The following FASTKD1 variants were observed in gnomAD, a reference collection of about 807,000 sequenced individuals.
FASTKD1 encodes FAST kinase domains 1, also known as FAST kinase domain-containing protein 1, mitochondrial.
A neutral mutation model predicts 90.9 loss-of-function variants in FASTKD1; 94 were observed. The observed-to-expected ratio is 1.03, with a 90% CI of 0.88 to 1.23. The LOEUF is 1.23. FASTKD1 is among the 50% of genes most tolerant of loss of function. FASTKD1 has a pLI of 0.00. For synonymous variants in FASTKD1, 319 were observed against 345.8 expected, an observed-to-expected ratio of 0.92 and a Z score of 0.86; for missense variants, 945 against 993.5, an observed-to-expected ratio of 0.95 and a Z score of 0.66.
chr2:169,552,029 T>C (rs1261064292), intron 7 of FASTKD1, among the ~76,000 whole-genome samples: 1 of 152,236 alleles, frequency 6.6e-6, no homozygotes, highest in Non-Finnish European at 1.5e-5. Context: ...AGGACCTATT[T>C]ACATAAGAAT....
At chr2:169,561,205 G>A (rs1434678687) in intron 4 of FASTKD1, among the ~76,000 whole-genome samples, 1 of 151,344 alleles carries the variant, frequency 6.6e-6, no homozygotes, top group African/African-American at 2.4e-5. Flanking sequence ...GGCTGAGGCA[G>A]GAAAATCGCT....
intron 2 of FASTKD1, among the ~76,000 whole-genome samples, 173 bp from the exon 3 acceptor site, chr2:169,569,425 T>G (rs191620760): frequency 6.6e-6 from 1 of 152,240 alleles, no homozygotes; most frequent in Non-Finnish European, 1.5e-5. Flanking sequence ...TACAGCCTAA[T>G]AAACATCTAT....
chr2:169,530,032 A>G (rs1574359130), intron 14 of FASTKD1, 106 bp from the exon 15 acceptor site: 5 of 765,756 alleles, frequency 6.5e-6, no homozygotes, highest in Non-Finnish European at 1.0e-5. Context: ...ATCCTATGAA[A>G]TTAGTTTACA....
At chr2:169,559,610 G>A (rs949488341) in intron 5 of FASTKD1, among the ~76,000 whole-genome samples, 5 of 151,944 alleles carry the variant, frequency 3.3e-5, no homozygotes, top group Admixed American at 1.3e-4. Context: ...TACAGACAAG[G>A]TTTCATCATC....
chr2:169,539,655 C>T (rs1358447088), intron 10 of FASTKD1, among the ~76,000 whole-genome samples: 1 of 151,666 alleles, frequency 6.6e-6, no homozygotes, highest in Non-Finnish European at 1.5e-5. Flanking sequence ...GTCCCAGCTA[C>T]TTGGAAGGCT....
intron 12 of FASTKD1, among the ~76,000 whole-genome samples, chr2:169,532,663 T>G (rs1684543831): frequency 6.7e-6 from 1 of 149,882 alleles, no homozygotes; most frequent in Non-Finnish European, 1.5e-5. Flanking sequence ...AAGTTCGAAA[T>G]GTGGAAAAAA....
chr2:169,547,559 T>C (rs1421692015), intron 7 of FASTKD1, among the ~76,000 whole-genome samples: 1 of 151,946 alleles, frequency 6.6e-6, no homozygotes, highest in Non-Finnish European at 1.5e-5. Flanking sequence ...CAAAAGCCAA[T>C]ATATATAACA....
chr2:169,568,786 G>A (rs1211120547), intron 3 of FASTKD1, among the ~76,000 whole-genome samples: 1 of 151,806 alleles, frequency 6.6e-6, no homozygotes, highest in Non-Finnish European at 1.5e-5. Flanking sequence ...GGATCACGAG[G>A]TCAGGAGTTC....
intron 12 of FASTKD1, among the ~76,000 whole-genome samples, chr2:169,534,149 A>G (rs927254621): frequency 3.1e-5 from 4 of 127,944 alleles, no homozygotes; most frequent in Non-Finnish European, 6.3e-5. Flanking sequence ...CCTGCACTGC[A>G]CTCCAACCTG....
Position 169,571,905 on chromosome 2 carries a change from T to C in FASTKD1, c.125A>G (p.Gln42Arg), listed in dbSNP as rs1244416227. The change falls in exon 2 of 15, where the codon CAG becomes CGG. Residue 42 changes from glutamine to arginine, a missense_variant. Coordinates refer to ENST00000453153, the MANE Select transcript of FASTKD1 (RefSeq NM_024622.6). ...RPISCEPLII[Q>R]MNKCTDEEQM... Reference sequence around the variant, plus strand: ...CTCCTCATCTGTACACTTATTCATCTGAATAATTAGTGGTTCACAACTGAT... The same window carrying C: ...CTCCTCATCTGTACACTTATTCATCCGAATAATTAGTGGTTCACAACTGAT... 2 of 1,614,106 alleles carry C rather than the reference T, an allele frequency of 1.2e-6. No homozygotes were observed. Among genetic ancestry groups the C allele is most frequent in the Admixed American group, 1.7e-5 (1 of 60,030 alleles).
chr2:169,543,688 TAATC>T (rs1166599501), intron 9 of FASTKD1, among the ~76,000 whole-genome samples: 1 of 152,202 alleles, frequency 6.6e-6, no homozygotes, highest in Non-Finnish European at 1.5e-5. Context: ...TGGCAAATGT[TAATC>T]AATACTCAAT....
chr2:169,554,527 G>A (rs1246255738), intron 7 of FASTKD1, among the ~76,000 whole-genome samples: 3 of 113,198 alleles, frequency 2.7e-5, no homozygotes, highest in African/African-American at 8.9e-5. Flanking sequence ...AACAGGGTGT[G>A]GTGGTATGTG....
chr2:169,558,684 C>G (rs1683440419), intron 5 of FASTKD1, among the ~76,000 whole-genome samples: 1 of 152,134 alleles, frequency 6.6e-6, no homozygotes, highest in Admixed American at 6.5e-5. Context: ...CTCCTGACCT[C>G]AAGTGATCCA....
Position 169,571,980 on chromosome 2 carries a change from C to A in FASTKD1, c.50G>T (p.Arg17Leu), listed in dbSNP as rs769575069. Residue 17 changes from arginine (R) to leucine (L), a missense_variant, in exon 2 of 15, where the codon CGT becomes CTT. Transcript: ENST00000453153. Reference sequence around the variant, plus strand: ...GGAGAATGGACAAATAGCTCTTAGACGAAGCATATTTGTAACCAATGACTC... The same window carrying A: ...GGAGAATGGACAAATAGCTCTTAGAAGAAGCATATTTGTAACCAATGACTC... ...FLESLVTNML[R>L]LRAICPFSWR... The A allele has an allele frequency of 6.2e-7, 1 of 1,610,824 alleles. No homozygotes were observed. Among genetic ancestry groups the A allele is most frequent in the African/African-American group, 1.3e-5 (1 of 74,838 alleles).
intron 7 of FASTKD1, among the ~76,000 whole-genome samples, chr2:169,549,956 G>A (rs753098090): frequency 2.0e-5 from 3 of 152,090 alleles, no homozygotes; most frequent in African/African-American, 4.8e-5. Flanking sequence ...CATTTGACAT[G>A]GTCAATCCCT....
At chr2:169,557,124 T>A in intron 6 of FASTKD1, 63 bp downstream of exon 6, 1 of 1,058,696 alleles carries the variant, frequency 9.4e-7, no homozygotes, top group Non-Finnish European at 1.5e-6. Flanking sequence ...CATTTTTCCT[T>A]AGAAAAAAAT....
intron 3 of FASTKD1, among the ~76,000 whole-genome samples, chr2:169,564,385 G>A (rs868569040): frequency 9.9e-5 from 15 of 151,702 alleles, no homozygotes; most frequent in African/African-American, 3.4e-4. Flanking sequence ...TGAACATCTA[G>A]GCTCAAGTGA....
intron 4 of FASTKD1, among the ~76,000 whole-genome samples, chr2:169,562,073 A>T (rs12988504): frequency 0.58 from 17,601 of 30,598 alleles, 6,984 homozygotes; most frequent in East Asian, 0.81. Flanking sequence ...TTATTGTAAA[A>T]TAATTATTTA....
chr2:169,553,977 A>G (rs1685618263), intron 7 of FASTKD1, among the ~76,000 whole-genome samples: 1 of 151,650 alleles, frequency 6.6e-6, no homozygotes, highest in Non-Finnish European at 1.5e-5. Context: ...TGCTGGTTCA[A>G]GCCTGTAAAA....
Sources: allele counts gnomAD v4.1 joint callset (sites outside exome capture counted in the v4.1 genomes callset), GRCh38; gene constraint gnomAD v4.1.1; transcripts MANE v1.5; gene names NCBI Gene and HGNC (gene_info 2026-07-23, HGNC 2026-07-21).